The following PCDHGB5 variants were observed in gnomAD, a reference collection of about 807,000 sequenced individuals.
PCDHGB5 encodes the protein protocadherin gamma subfamily B, 5.
In PCDHGB5, 48 loss-of-function variants were observed where a neutral mutation model predicts 62.9. The observed-to-expected ratio is 0.76, with a 90% CI of 0.61 to 0.97. The LOEUF is 0.97. Ranked by LOEUF, PCDHGB5 falls within the 50% of genes least tolerant of loss-of-function variation. The pLI is 0.00. For synonymous variants in PCDHGB5, 474 were observed against 511.2 expected, an observed-to-expected ratio of 0.93 and a Z score of 0.98; for missense variants, 1,118 against 1,198.6, an observed-to-expected ratio of 0.93 and a Z score of 0.99.
At chr5:141,502,866 C>CTTTTTTTT (rs549047197) in intron 2 of PCDHGB5, among the ~76,000 whole-genome samples, 38,988 of 127,080 alleles carry the variant, frequency 0.31, 7,978 homozygotes, top group African/African-American at 0.51. Flanking sequence ...GACTCTCTGT[C>CTTTTTTTT]TTTTTTTTTT....
chr5:141,510,898 T>G (rs1393880610), intron 3 of PCDHGB5, 49 bp from the exon 4 acceptor site: 1 of 1,613,278 alleles, frequency 6.2e-7, no homozygotes, highest in East Asian at 2.2e-5. Context: ...ACAGTGACTG[T>G]TGAGGACCCT....
intron 2 of PCDHGB5, among the ~76,000 whole-genome samples, chr5:141,496,733 C>A (rs1221912777): frequency 6.6e-6 from 1 of 152,138 alleles, no homozygotes; most frequent in Non-Finnish European, 1.5e-5. Context: ...TGTATTCATT[C>A]GTTCATTTAT....
intron 1 of PCDHGB5, chr5:141,430,760 A>C: frequency 1.3e-6 from 2 of 1,505,596 alleles, no homozygotes; most frequent in Non-Finnish European, 8.9e-7. Context: ...GAAGATAAGA[A>C]TGATTCCTGC....
At chr5:141,504,134 A>G (rs73280371) in intron 2 of PCDHGB5, among the ~76,000 whole-genome samples, 139 of 152,168 alleles carry the variant, frequency 9.1e-4, no homozygotes, top group African/African-American at 3.1e-3. Flanking sequence ...TCCCGCCAAC[A>G]CTCCCCTGCA....
intron 1 of PCDHGB5, chr5:141,478,713 G>A (rs745990290): frequency 1.9e-6 from 3 of 1,546,642 alleles, no homozygotes; most frequent in African/African-American, 2.7e-5. Context: ...TTGTGAGATG[G>A]TGGCCTGCCA....
chr5:141,423,157 G>A (rs527921011), intron 1 of PCDHGB5: 1 of 1,610,820 alleles, frequency 6.2e-7, no homozygotes, highest in Non-Finnish European at 8.5e-7. Flanking sequence ...GCAGAGCCTC[G>A]TGGTGGCCGT....
At chr5:141,404,812 GC>G in intron 1 of PCDHGB5, 1 of 1,611,168 alleles carries the variant, frequency 6.2e-7, no homozygotes, top group African/African-American at 1.4e-5. Context: ...TCTCGGTGGG[GC>G]TGCACACAGG....
intron 1 of PCDHGB5, among the ~76,000 whole-genome samples, chr5:141,461,366 A>G (rs1186381077): frequency 6.6e-6 from 1 of 151,964 alleles, no homozygotes; most frequent in Non-Finnish European, 1.5e-5. Flanking sequence ...TTGTGGTTTT[A>G]ATTTGCATTT....
intron 1 of PCDHGB5, chr5:141,423,466 G>C (rs770939556): frequency 1.2e-6 from 2 of 1,613,904 alleles, no homozygotes; most frequent in Admixed American, 3.3e-5. Context: ...CGTGGACGGG[G>C]TACAGGCTTT....
At chr5:141,413,020 C>T in intron 1 of PCDHGB5, 1 of 693,768 alleles carries the variant, frequency 1.4e-6, no homozygotes, top group Non-Finnish European at 2.3e-6. Context: ...CTACACAAGC[C>T]CCACAAACCG....
chr5:141,432,686 G>A lies in PCDHGB5; in HGVS notation c.2397+32162G>A. On this transcript the variant is annotated intron_variant, in intron 1 of 3. Transcript: ENST00000617380. The surrounding 1 kb of genome is among the most constrained non-coding windows in gnomAD (Gnocchi z 6.0). The stretch of plus-strand genomic sequence containing the variant: ...CAGAGACGCGCTCAAGCAGAGCCTC[G>A]TAGTGGCCGTCCAGGACCACGGCCA... 2 of 1,613,922 alleles carry A rather than the reference G, an allele frequency of 1.2e-6. No homozygotes were observed. The highest frequency in any genetic ancestry group is 1.7e-5 in the Admixed American group (1 of 60,020).
intron 2 of PCDHGB5, among the ~76,000 whole-genome samples, chr5:141,504,947 A>G (rs1595930930): frequency 6.6e-6 from 1 of 152,200 alleles, no homozygotes; most frequent in Non-Finnish European, 1.5e-5. Context: ...GGAATGCACT[A>G]TGTTCAATGC....
chr5:141,450,663 T>C (rs957466690), intron 1 of PCDHGB5, among the ~76,000 whole-genome samples: 1 of 151,652 alleles, frequency 6.6e-6, no homozygotes, highest in Non-Finnish European at 1.5e-5. Flanking sequence ...ATTTTTGTAC[T>C]TTTAGTAGAA....
chr5:141,474,153 A>G (rs1424442765), intron 1 of PCDHGB5, among the ~76,000 whole-genome samples: 3 of 152,254 alleles, frequency 2.0e-5, no homozygotes, highest in Non-Finnish European at 4.4e-5. Flanking sequence ...TATCAAGAAA[A>G]TGACAGGCCT....
chr5:141,417,658 G>C, intron 1 of PCDHGB5: 2 of 869,072 alleles, frequency 2.3e-6, no homozygotes, highest in Non-Finnish European at 1.7e-6. Context: ...TCTAGCCTGG[G>C]ATTCCCTGCG....
intron 1 of PCDHGB5, chr5:141,420,927 G>A (rs1257204379): frequency 2.8e-6 from 1 of 362,530 alleles, no homozygotes; most frequent in Non-Finnish European, 5.0e-6. Context: ...ACAAAGGTGA[G>A]CGTAATCATT....
At position 141,477,210 on chromosome 5, in the gene PCDHGB5, C is replaced by A. The variant is rs780852225; in HGVS notation, c.2398-17597C>A. On this transcript the variant is annotated intron_variant, in intron 1 of 3. Transcript: ENST00000617380. This position sits in a 1 kb window ranked among gnomAD's most constrained non-coding sequence, Gnocchi z 4.9. ...GTGTACAGCCCAGTACCCGAGGATG[C>A]CCCTCTGGGGACTGTCATCGCTTTG... The A allele has an allele frequency of 6.2e-7, 1 of 1,614,142 alleles. No homozygotes were observed. The highest frequency in any genetic ancestry group is 8.5e-7 in the Non-Finnish European group (1 of 1,180,030).
intron 3 of PCDHGB5, among the ~76,000 whole-genome samples, chr5:141,507,809 C>T (rs866898784): frequency 2.0e-5 from 3 of 152,206 alleles, no homozygotes; most frequent in Non-Finnish European, 2.9e-5. Flanking sequence ...CCCTGGGGAA[C>T]GGACCCTGGG....
intron 1 of PCDHGB5, chr5:141,422,932 C>G: frequency 6.2e-7 from 1 of 1,614,252 alleles, no homozygotes; most frequent in Non-Finnish European, 8.5e-7. Context: ...CCCTGCCCTC[C>G]CCACAGACGG....
Sources: allele counts gnomAD v4.1 joint callset (sites outside exome capture counted in the v4.1 genomes callset), GRCh38; gene constraint gnomAD v4.1.1; non-coding constraint Gnocchi (gnomAD v3.1); transcripts MANE v1.5; gene names NCBI Gene and HGNC (gene_info 2026-07-23, HGNC 2026-07-21).